The following CD163L1 variants were observed in gnomAD, a reference collection of about 807,000 sequenced individuals.
The protein encoded by CD163L1 is scavenger receptor cysteine-rich type 1 protein M160.
A neutral mutation model predicts 165.4 loss-of-function variants in CD163L1; 124 were observed. That is an observed-to-expected ratio of 0.75 (90% CI 0.65 to 0.87). The LOEUF (loss-of-function observed/expected upper bound fraction) is 0.87, where lower values mean the gene tolerates loss of function less well. CD163L1 is among the 40% of genes least tolerant of loss of function. CD163L1 has a pLI of 0.00. For missense variants in CD163L1, 1,525 were observed against 1,799.9 expected (o/e 0.85, Z 2.76); for synonymous variants, 585 against 662.2 (o/e 0.88, Z 1.79).
At chr12:7,363,184 C>T (rs995942108) in intron 18 of CD163L1, among the ~76,000 whole-genome samples, 1 of 151,986 alleles carries the variant, frequency 6.6e-6, no homozygotes, top group Non-Finnish European at 1.5e-5. Context: ...TGTCATGTGC[C>T]TGTAATCCTA....
At chr12:7,324,236 A>G in the CD163L1 span, 1 of 1,607,330 alleles carries the variant, frequency 6.2e-7, no homozygotes, top group Non-Finnish European at 8.5e-7. Context: ...CTCTGTTCTG[A>G]CCAGACTAAT....
At chr12:7,378,881 G>A in intron 9 of CD163L1, 97 bp downstream of exon 9, 1 of 1,087,512 alleles carries the variant, frequency 9.2e-7, no homozygotes, top group Non-Finnish European at 1.3e-6. Context: ...ATTTACTTTT[G>A]ACCTAATACT....
In CD163L1 at chr12:7,379,170, C is replaced by G; in HGVS notation, c.2179G>C (p.Val727Leu). The G allele has an allele frequency of 6.2e-7, 1 of 1,614,160 alleles. No homozygotes were observed. The highest frequency in any genetic ancestry group is 8.5e-7 in the Non-Finnish European group (1 of 1,180,008). ...NGWGMNIAEV[V>L]CRQLECGSAI... is the part of the protein sequence containing the mutation. ...GACCCACATTCAAGTTGCCTGCAAA[C>G]AACTTCAGCAATGTTCATTCCCCAG... is the stretch of plus-strand genomic sequence containing the variant. The change falls in exon 9 of 20, where the codon GTT (valine) becomes CTT (leucine). Residue 727 changes from valine to leucine, a missense_variant. Transcript: ENST00000313599.
At chr12:7,414,925 T>A (rs1948207919) in intron 4 of CD163L1, among the ~76,000 whole-genome samples, 1 of 152,274 alleles carries the variant, frequency 6.6e-6, no homozygotes, top group Non-Finnish European at 1.5e-5. Context: ...AGAAAGTTTA[T>A]CACCACATCT....
intron 3 of CD163L1, among the ~76,000 whole-genome samples, chr12:7,433,140 TTCTC>T (rs904562079): frequency 1.2e-4 from 18 of 152,180 alleles, no homozygotes; most frequent in African/African-American, 3.6e-4. Flanking sequence ...CTGTAATGCA[TTCTC>T]TCTCTGTCTC....
intron 17 of CD163L1, 140 bp from the exon 18 acceptor site, chr12:7,367,471 G>C: frequency 4.2e-6 from 2 of 480,480 alleles, no homozygotes; most frequent in Admixed American, 3.3e-5. Flanking sequence ...ACCCCTGCTA[G>C]TGAATTTTTT....
chr12:7,322,694 A>G, the CD163L1 span, among the ~76,000 whole-genome samples: 5 of 152,128 alleles, frequency 3.3e-5, no homozygotes, highest in Non-Finnish European at 7.4e-5. Flanking sequence ...AAACTTGCAG[A>G]TTGCTCAGTT....
intron 4 of CD163L1, among the ~76,000 whole-genome samples, chr12:7,431,427 C>CA (rs11423206): frequency 0.5 from 73,039 of 147,360 alleles, 21,131 homozygotes; most frequent in African/African-American, 0.8. Flanking sequence ...AGACTCCATC[C>CA]AAAAAAAAAA....
downstream of CD163L1, among the ~76,000 whole-genome samples, chr12:7,351,362 T>C (rs1801739474): frequency 6.6e-6 from 1 of 152,108 alleles, no homozygotes; most frequent in African/African-American, 2.4e-5. Context: ...GTTCTAGAGG[T>C]TGGAAAGTCC....
At chr12:7,329,363 A>G in the CD163L1 span, among the ~76,000 whole-genome samples, 2 of 76,010 alleles carry the variant, frequency 2.6e-5, no homozygotes, top group Admixed American at 2.6e-4. Flanking sequence ...TTCTTTTATT[A>G]TTATACTTTA....
At chr12:7,403,514 C>T in intron 6 of CD163L1, 21 bp downstream of exon 6, 1 of 1,594,374 alleles carries the variant, frequency 6.3e-7, no homozygotes, top group Admixed American at 1.7e-5. Flanking sequence ...TGTGTACACT[C>T]TCATGATCTT....
At position 7,367,567 on chromosome 12, in the gene CD163L1, C is replaced by A. The variant is rs112266536; in HGVS notation, c.4184-236G>T. 1.3e-3 allele frequency: 449 copies of A among 340,274 alleles called. 1 individual carries two copies. Among genetic ancestry groups the A allele is most frequent in the African/African-American group, 8.6e-3 (415 of 48,338 alleles). The allele number at this position is 340,274 out of a possible 1,614,324, so 21.1% of individuals were successfully genotyped here. On this transcript the variant is annotated intron_variant, in intron 17 of 19. Coordinates refer to ENST00000313599, the MANE Select transcript of CD163L1 (RefSeq NM_174941.6). ...TTCTTTACATAGTATTTACTATGTGCTGGCCATTTTTCATACAGATGATTA... is the reference window on the plus strand; with the variant it reads ...TTCTTTACATAGTATTTACTATGTGATGGCCATTTTTCATACAGATGATTA...
chr12:7,351,454 C>T (rs1417145846), downstream of CD163L1, among the ~76,000 whole-genome samples: 1 of 152,064 alleles, frequency 6.6e-6, no homozygotes, highest in Non-Finnish European at 1.5e-5. Context: ...ACTGTGGTCT[C>T]ACGTGGTGAA....
At chr12:7,405,772 A>C (rs1948003557) in intron 5 of CD163L1, among the ~76,000 whole-genome samples, 1 of 152,200 alleles carries the variant, frequency 6.6e-6, no homozygotes, top group South Asian at 2.1e-4. Context: ...CATCAAGACA[A>C]ACTGACTCTC....
At chr12:7,409,965 T>C (rs1050185918) in intron 4 of CD163L1, among the ~76,000 whole-genome samples, 5 of 151,948 alleles carry the variant, frequency 3.3e-5, no homozygotes, top group African/African-American at 1.2e-4. Flanking sequence ...TTACCAGAAA[T>C]AGACTGTAAA....
Position 7,421,494 on chromosome 12 carries a change from TATATGTACATATAC to T in CD163L1, c.766+10908_766+10921del, listed in dbSNP as rs1392367939. Among the ~76,000 whole-genome samples, 11 of 111,264 alleles carry T rather than the reference TATATGTACATATAC, an allele frequency of 9.9e-5. 1 individual carries two copies. The East Asian group carries it at 2.5e-3, about 25-fold the overall frequency. 73.0% of individuals were successfully genotyped at this position (111,264 alleles called of 152,430 possible). ...ATATACATATATGTACATATATACA[TATATGTACATATAC>T]ATATACATATATGTACATATATACA... On this transcript the variant is annotated intron_variant, in intron 4 of 19. Coordinates refer to ENST00000313599, the MANE Select transcript of CD163L1 (RefSeq NM_174941.6).
the CD163L1 span, chr12:7,323,180 T>C: frequency 2.0e-6 from 3 of 1,465,006 alleles, no homozygotes; most frequent in Non-Finnish European, 2.8e-6. Flanking sequence ...TGCCATGATA[T>C]AGTTTCAGAA....
At chr12:7,350,054 A>G (rs1946697148), downstream of CD163L1, among the ~76,000 whole-genome samples, 1 of 152,196 alleles carries the variant, frequency 6.6e-6, no homozygotes, top group Non-Finnish European at 1.5e-5. Flanking sequence ...CCAGAAGCAG[A>G]GTTTATGCCA....
At chr12:7,332,658 C>T in the CD163L1 span, among the ~76,000 whole-genome samples, 4 of 151,520 alleles carry the variant, frequency 2.6e-5, no homozygotes, top group Admixed American at 2.6e-4. Context: ...AATTTTCAAC[C>T]CAGAATTTCA....
Sources: allele counts gnomAD v4.1 joint callset (sites outside exome capture counted in the v4.1 genomes callset), GRCh38; gene constraint gnomAD v4.1.1; transcripts MANE v1.5; gene names NCBI Gene and HGNC (gene_info 2026-07-23, HGNC 2026-07-21).